Variants in SEMA5B observed in about 807,000 individuals in gnomAD.
SEMA5B encodes the protein semaphorin 5B.
Under a neutral mutation model 135.0 loss-of-function variants are expected in SEMA5B, and 66 were observed. That is an observed-to-expected ratio of 0.49 (90% CI 0.40 to 0.60). The LOEUF (loss-of-function observed/expected upper bound fraction) is 0.60. Ranked by LOEUF, SEMA5B falls within the 20% of genes least tolerant of loss-of-function variation. SEMA5B has a pLI of 0.00. For synonymous variants in SEMA5B, 690 were observed against 639.5 expected, an observed-to-expected ratio of 1.08 and a Z score of -1.19; for missense variants, 1,501 against 1,566.3, an observed-to-expected ratio of 0.96 and a Z score of 0.70.
At chr3:123,002,307 G>A (rs1016922376) in intron 1 of SEMA5B, among the ~76,000 whole-genome samples, 14 of 152,176 alleles carry the variant, frequency 9.2e-5, no homozygotes, top group African/African-American at 3.4e-4. Context: ...AAAGGAGCCT[G>A]CCAGTCTTAA....
rs1189322020 is a variant in SEMA5B, at chr3:122,913,032, T to C, written c.2536A>G (p.Ser846Gly). 6.4e-7 allele frequency: 1 copy of C among 1,574,034 alleles called. No homozygotes were observed. Among genetic ancestry groups the C allele is most frequent in the African/African-American group, 1.4e-5 (1 of 73,878 alleles). ...CCGCTCACCGTGTGCGGGGAGGTGC[T>C]CCCGCTGCGCAGGAGGACCTCCACC... ...ALVEVLLRSG[S>G]TSPHTVSGGW... The change falls in exon 18 of 23, where the codon AGC becomes GGC. Residue 846 changes from serine to glycine, a missense_variant. By Grantham distance (56) the Ser-to-Gly change is moderately conservative. This residue lies in a region of SEMA5B where 927 missense variants were observed against 881.6 expected (regional missense o/e 1.05). Coordinates refer to ENST00000357599, the MANE Select transcript of SEMA5B (RefSeq NM_001031702.4).
At chr3:122,991,270 T>C (rs1403018515) in intron 1 of SEMA5B, among the ~76,000 whole-genome samples, 2 of 152,172 alleles carry the variant, frequency 1.3e-5, no homozygotes, top group East Asian at 3.9e-4. Context: ...CTTTGCACTC[T>C]TAGTCCAGAC....
Position 122,928,547 on chromosome 3 carries a change from A to G in SEMA5B, c.606T>C (p.Asn202=), listed in dbSNP as rs1348569727. 7 of 1,565,658 alleles carry G rather than the reference A, an allele frequency of 4.5e-6. No individual in the cohort carries two copies. In the East Asian group the frequency reaches 1.4e-4, roughly 32 times the overall value. The change falls in exon 7 of 23, where the codon AAT becomes AAC. Residue 202 remains asparagine (N), a synonymous_variant. Coordinates refer to ENST00000357599, the MANE Select transcript of SEMA5B (RefSeq NM_001031702.4). The stretch of plus-strand genomic sequence containing the variant: ...TGCTGGTGCACATGGGGGAAAAGGC[A>G]TTGGTTCCACACATGAACACCTTCC... ...AGRKVFMCGT[N]AFSPMCTSRQ...
In SEMA5B at chr3:122,961,114, C is replaced by T. The variant is rs575490006; in HGVS notation, c.124+26G>A. The T allele has an allele frequency of 1.5e-5, 24 of 1,583,670 alleles. 1 individual carries two copies. In the South Asian group the frequency reaches 2.6e-4, roughly 17 times the overall value. ...CCTCAGTCTGGTACCTGCTGCAGCCCCCCACACTCCCCTGGGCACACTTAC... is the reference window on the plus strand; with the variant it reads ...CCTCAGTCTGGTACCTGCTGCAGCCTCCCACACTCCCCTGGGCACACTTAC... On this transcript the variant is annotated intron_variant, in intron 2 of 22. Coordinates refer to ENST00000357599, the MANE Select transcript of SEMA5B (RefSeq NM_001031702.4).
intron 14 of SEMA5B, among the ~76,000 whole-genome samples, chr3:122,914,805 G>A (rs1436809603): frequency 6.6e-6 from 1 of 152,082 alleles, no homozygotes; most frequent in African/African-American, 2.4e-5. Context: ...GGTATGGTGT[G>A]GGCACCTGTA....
rs771448968 is a variant in SEMA5B, at chr3:122,913,238, T to G, written c.2467A>C (p.Thr823Pro). 3 of 1,585,474 alleles carry G rather than the reference T, an allele frequency of 1.9e-6. No individual in the cohort carries two copies. In the Admixed American group the frequency reaches 5.1e-5, roughly 27 times the overall value. Residue 823 changes from threonine (T) to proline (P), a missense_variant, in exon 17 of 23, where the codon ACC (threonine) becomes CCC (proline). By Grantham distance (38) the Thr-to-Pro change is conservative (BLOSUM62 -1). Around this residue, in one of 2 missense-constraint regions of SEMA5B, gnomAD observed 927 missense variants for 881.6 expected, o/e 1.05. Coordinates refer to ENST00000357599, the MANE Select transcript of SEMA5B (RefSeq NM_001031702.4). ...GAGCCGGAGCCGTCCGCGGGACAGG[T>G]CCTCGTCTCGGTCCTTCTCCTGCCG... ...QFGRRRTETR[T>P]CPADGSGSCD...
At chr3:123,008,455 C>A (rs556910413) in intron 1 of SEMA5B, among the ~76,000 whole-genome samples, 1 of 152,112 alleles carries the variant, frequency 6.6e-6, no homozygotes, top group South Asian at 2.1e-4. Flanking sequence ...AGTTCAGGGC[C>A]CAGGAGAAGG....
At chr3:123,006,563 C>A (rs553228848) in intron 1 of SEMA5B, among the ~76,000 whole-genome samples, 10 of 152,288 alleles carry the variant, frequency 6.6e-5, no homozygotes, top group African/African-American at 2.2e-4. Flanking sequence ...GCCCTGAGTG[C>A]TGAAATTAGG....
chr3:123,021,348 C>T (rs138634050), intron 1 of SEMA5B, among the ~76,000 whole-genome samples: 19 of 152,266 alleles, frequency 1.2e-4, no homozygotes, highest in Admixed American at 3.9e-4. Flanking sequence ...TTCCCCCAGG[C>T]GCCTTGAGGG....
intron 1 of SEMA5B, among the ~76,000 whole-genome samples, chr3:123,013,867 G>A (rs1039959255): frequency 1.3e-5 from 2 of 152,222 alleles, no homozygotes; most frequent in Non-Finnish European, 2.9e-5. Flanking sequence ...GGGGAACAAG[G>A]CTGCTGCTCA....
At chr3:123,016,329 C>A (rs1200694273) in intron 1 of SEMA5B, among the ~76,000 whole-genome samples, 3 of 152,166 alleles carry the variant, frequency 2.0e-5, no homozygotes, top group Admixed American at 1.3e-4. Context: ...CCTGGGGGAC[C>A]AGTCCCAGGA....
Position 122,923,603 on chromosome 3 carries a change from A to G in SEMA5B, c.1272+14T>C, listed in dbSNP as rs1310046037. ...CAGTGTGTGAAGACAGGGAAAGAGGAGGAGATTCTGTACCTGGAAATTGGG... is the reference window on the plus strand; with the variant it reads ...CAGTGTGTGAAGACAGGGAAAGAGGGGGAGATTCTGTACCTGGAAATTGGG... On this transcript the variant is annotated intron_variant, in intron 10 of 22. Transcript: ENST00000357599. 6.2e-7 allele frequency: 1 copy of G among 1,613,722 alleles called. No individual in the cohort carries two copies. The highest frequency in any genetic ancestry group is 8.5e-7 in the Non-Finnish European group (1 of 1,179,854).
At chr3:123,018,846 G>T (rs1401656345) in intron 1 of SEMA5B, among the ~76,000 whole-genome samples, 1 of 152,176 alleles carries the variant, frequency 6.6e-6, no homozygotes, top group Non-Finnish European at 1.5e-5. Context: ...CTTCCAACTG[G>T]CTGGAGAAGC....
Position 122,922,465 on chromosome 3 carries a change from G to C in SEMA5B, c.1273-18C>G, listed in dbSNP as rs1413823877. 1 of 1,570,894 alleles carries C rather than the reference G, an allele frequency of 6.4e-7. No homozygotes were observed. The highest frequency in any genetic ancestry group is 2.4e-5 in the East Asian group (1 of 42,434). On this transcript the variant is annotated intron_variant, in intron 10 of 22. Coordinates refer to ENST00000357599, the MANE Select transcript of SEMA5B (RefSeq NM_001031702.4). ...GTGCCACACTGCCGCGGGGAGCCAG[G>C]TCACGCGCGCCCCGGCCACCAGGGC... is the stretch of plus-strand genomic sequence containing the variant.
At chr3:122,913,129 G>C (rs1455868684) in intron 17 of SEMA5B, 68 bp from the exon 18 acceptor site, 2 of 1,424,598 alleles carry the variant, frequency 1.4e-6, no homozygotes, top group African/African-American at 3.0e-5. Flanking sequence ...GCCTCCCCGG[G>C]GCTCCCGCCC....
intron 1 of SEMA5B, among the ~76,000 whole-genome samples, chr3:123,008,424 G>T (rs1028841765): frequency 1.3e-5 from 2 of 152,166 alleles, no homozygotes; most frequent in African/African-American, 4.8e-5. Flanking sequence ...TTTGTTAAAG[G>T]ATTATTTGAA....
At chr3:122,939,202 C>T (rs1312329278) in intron 5 of SEMA5B, among the ~76,000 whole-genome samples, 11 of 152,248 alleles carry the variant, frequency 7.2e-5, no homozygotes, top group Non-Finnish European at 1.5e-5. Flanking sequence ...GATGCAAGAG[C>T]CTTGTGTGCC....
At chr3:122,959,029 A>G (rs1257232692) in intron 2 of SEMA5B, among the ~76,000 whole-genome samples, 2 of 152,250 alleles carry the variant, frequency 1.3e-5, no homozygotes, top group Non-Finnish European at 2.9e-5. Flanking sequence ...GACACAGATT[A>G]CATGGTTCAG....
intron 1 of SEMA5B, among the ~76,000 whole-genome samples, chr3:123,016,953 G>A (rs1040480981): frequency 2.0e-5 from 3 of 147,060 alleles, no homozygotes; most frequent in Admixed American, 6.9e-5. Flanking sequence ...GTGCAGTGGC[G>A]CGATCTCGGC....
Sources: allele counts gnomAD v4.1 joint callset (sites outside exome capture counted in the v4.1 genomes callset), GRCh38; gene constraint gnomAD v4.1.1; regional missense constraint gnomAD v4.1.1; transcripts MANE v1.5; gene names NCBI Gene and HGNC (gene_info 2026-07-23, HGNC 2026-07-21).